Variants in THAP4 observed in about 807,000 individuals in gnomAD.
THAP4 encodes THAP domain containing 4.
Under a neutral mutation model 48.1 loss-of-function variants are expected in THAP4, and 18 were observed. The ratio of observed to expected loss-of-function variants is 0.37; its 90% confidence interval spans 0.26 to 0.56. The LOEUF (loss-of-function observed/expected upper bound fraction) is 0.56. Among genes scored for constraint, THAP4 ranks in the 20% least tolerant of loss-of-function variants. The pLI is 0.78. For missense variants in THAP4, 656 were observed against 774.9 expected, an observed-to-expected ratio of 0.85 and a Z score of 1.82; for synonymous variants, 345 against 324.9, an observed-to-expected ratio of 1.06 and a Z score of -0.66.
At chr2:241,590,111 T>C (rs1036732210) in intron 5 of THAP4, among the ~76,000 whole-genome samples, 5 of 149,506 alleles carry the variant, frequency 3.3e-5, no homozygotes, top group African/African-American at 9.9e-5. Context: ...CGGCTGACGA[T>C]GATGGGCACT....
At chr2:241,599,228 G>A (rs2067084615) in intron 5 of THAP4, among the ~76,000 whole-genome samples, 2 of 150,224 alleles carry the variant, frequency 1.3e-5, no homozygotes, top group South Asian at 4.2e-4. Context: ...TTCCAGCCTG[G>A]GCAACAGATT....
rs887568364 is a variant in THAP4 at position 241,637,092 on chromosome 2, G to GGGA, written c.-78_-76dup. 1.9e-6 allele frequency: 2 copies of GGGA among 1,028,912 alleles called. No individual in the cohort carries two copies. The highest frequency in any genetic ancestry group is 1.7e-5 in the African/African-American group (1 of 57,362). The allele number at this position is 1,028,912 out of a possible 1,614,324, so 63.7% of individuals were successfully genotyped here. A position where few individuals can be genotyped will look rare whatever the true frequency, so the allele number is the denominator to read the frequency against. On this transcript the variant is annotated 5_prime_UTR_variant, in exon 1 of 6. Transcript: ENST00000407315. ...CCCGCCCGCGGACCGCCCCGAGGGA[G>GGGA]GGAGCGCGGCGGCGACACGGCTCGG... is the stretch of plus-strand genomic sequence containing the variant.
chr2:241,624,877 C>A (rs1452217507), intron 2 of THAP4, among the ~76,000 whole-genome samples: 1 of 152,134 alleles, frequency 6.6e-6, no homozygotes, highest in Non-Finnish European at 1.5e-5. Flanking sequence ...CAAAGACCGA[C>A]TATGAGAACG....
intron 1 of THAP4, among the ~76,000 whole-genome samples, chr2:241,636,732 G>A (rs975622441): frequency 2.6e-5 from 4 of 151,594 alleles, no homozygotes; most frequent in Admixed American, 2.6e-4. Context: ...GGACCCAGGC[G>A]GCCGGGGTGG....
chr2:241,608,887 A>G (rs1287850987), intron 2 of THAP4, among the ~76,000 whole-genome samples: 1 of 152,246 alleles, frequency 6.6e-6, no homozygotes, highest in Non-Finnish European at 1.5e-5. Context: ...GGGTCCCTGC[A>G]GCTACCCTGG....
At position 241,633,580 on chromosome 2, in the gene THAP4, A is replaced by G. The variant is rs745698355; in HGVS notation, c.577T>C (p.Ser193Pro). 3 of 1,613,474 alleles carry G rather than the reference A, an allele frequency of 1.9e-6. No homozygotes were observed. Among genetic ancestry groups the G allele is most frequent in the Middle Eastern group, 1.6e-4 (1 of 6,062 alleles). The stretch of plus-strand genomic sequence containing the variant: ...CTCTCATCGCCAGCATCTGTGGCAG[A>G]CGCTTCTGCTTTTCCCTGACTGCCT... Reference protein sequence around the residue: ...VAGSQGKAEASATDAGDESAT... With the variant: ...VAGSQGKAEAPATDAGDESAT... Residue 193 changes from serine to proline, a missense_variant, in exon 2 of 6, where the codon TCT becomes CCT. This residue lies in a region of THAP4 where 391 missense variants were observed against 412.4 expected (regional missense o/e 0.95). Transcript: ENST00000407315. The surrounding 1 kb of genome is among the most constrained non-coding windows in gnomAD (Gnocchi z 7.5).
In THAP4 at chr2:241,630,774, C is replaced by T. The variant is rs1345069452; in HGVS notation, c.1240+2143G>A. 2.1e-5 allele frequency among the ~76,000 whole-genome samples: 3 copies of T among 141,016 alleles called. No individual in the cohort carries two copies. The Admixed American group carries it at 2.2e-4, about 10-fold the overall frequency. The allele number at this position is 141,016 out of a possible 152,430, so 92.5% of individuals were successfully genotyped here. The stretch of plus-strand genomic sequence containing the variant: ...AGCCTGGGCAACAAGAGCAAAACTC[C>T]GTCTCAAAAAAAAAAAAAAAAAATT... On this transcript the variant is annotated intron_variant, in intron 2 of 5. Coordinates refer to ENST00000407315, the MANE Select transcript of THAP4 (RefSeq NM_015963.6).
chr2:241,595,412 C>T lies in THAP4; in HGVS notation c.1614+6484G>A, dbSNP rs188299294. Among the ~76,000 whole-genome samples, 663 of 152,094 alleles carry T rather than the reference C, an allele frequency of 4.4e-3. 3 individuals are homozygous for T. The highest frequency in any genetic ancestry group is 0.038 in the Middle Eastern group (11 of 292). On this transcript the variant is annotated intron_variant, in intron 5 of 5. Coordinates refer to ENST00000407315, the MANE Select transcript of THAP4 (RefSeq NM_015963.6). ...TGGCACATTGGGAGGCTGAGCTGGG[C>T]GGATCACCTAAGGTCAGGAGTTCAA...
At chr2:241,602,229 G>C in intron 4 of THAP4, 1 of 564,542 alleles carries the variant, frequency 1.8e-6, no homozygotes, top group South Asian at 2.3e-5. Context: ...TCTCCAGACT[G>C]GGCCCCAGCC....
chr2:241,630,099 A>G (rs1041005258), intron 2 of THAP4, among the ~76,000 whole-genome samples: 3 of 152,220 alleles, frequency 2.0e-5, no homozygotes, highest in East Asian at 1.9e-4. Flanking sequence ...ATCAAATTTT[A>G]AAGTAACTAC....
chr2:241,599,628 A>C (rs1316531599), intron 5 of THAP4, among the ~76,000 whole-genome samples: 1 of 152,170 alleles, frequency 6.6e-6, no homozygotes, highest in African/African-American at 2.4e-5. Context: ...AAATACACAA[A>C]ACATGACCTA....
chr2:241,603,140 G>A (rs917713905), intron 3 of THAP4, 61 bp from the exon 4 acceptor site: 25 of 1,374,012 alleles, frequency 1.8e-5, no homozygotes, highest in South Asian at 9.3e-5. Context: ...CGTGGGCTGC[G>A]TGGATGCCAG....
At chr2:241,622,689 T>G (rs1052573168) in intron 2 of THAP4, among the ~76,000 whole-genome samples, 1 of 152,084 alleles carries the variant, frequency 6.6e-6, no homozygotes, top group Non-Finnish European at 1.5e-5. Flanking sequence ...AGCTTCAACC[T>G]CCGGGGCTCA....
intron 5 of THAP4, among the ~76,000 whole-genome samples, chr2:241,600,063 G>A (rs1336489626): frequency 6.6e-6 from 1 of 152,158 alleles, no homozygotes; most frequent in Non-Finnish European, 1.5e-5. Flanking sequence ...GGGCATGGTG[G>A]CACATGCCTG....
At chr2:241,625,819 A>AAAAG (rs2067490146) in intron 2 of THAP4, among the ~76,000 whole-genome samples, 2 of 140,692 alleles carry the variant, frequency 1.4e-5, no homozygotes, top group African/African-American at 5.6e-5. Flanking sequence ...AAAAAAAAAA[A>AAAAG]AAAAAGAAAA....
chr2:241,599,483 C>A (rs1319244010), intron 5 of THAP4, among the ~76,000 whole-genome samples: 1 of 152,062 alleles, frequency 6.6e-6, no homozygotes, highest in Non-Finnish European at 1.5e-5. Flanking sequence ...TATCAATAAT[C>A]AATCTGAAGA....
At chr2:241,636,895 C>T in intron 1 of THAP4, 46 bp downstream of exon 1, 10 of 1,111,618 alleles carry the variant, frequency 9.0e-6, no homozygotes, top group Non-Finnish European at 1.1e-5. Flanking sequence ...AGTTTCCCCG[C>T]AGGGCCGGGT....
At chr2:241,634,838 TCAAC>T (rs2067615801) in intron 1 of THAP4, among the ~76,000 whole-genome samples, 1 of 152,082 alleles carries the variant, frequency 6.6e-6, no homozygotes, top group African/African-American at 2.4e-5. Context: ...TCAAAAAAAA[TCAAC>T]CAACTCAGAT....
At chr2:241,636,467 C>G (rs569239093) in intron 1 of THAP4, among the ~76,000 whole-genome samples, 1 of 152,196 alleles carries the variant, frequency 6.6e-6, no homozygotes, top group African/African-American at 2.4e-5. Flanking sequence ...CCGGCCGTCC[C>G]GTAGACTCTC....
Sources: allele counts gnomAD v4.1 joint callset (sites outside exome capture counted in the v4.1 genomes callset), GRCh38; gene constraint gnomAD v4.1.1; regional missense constraint gnomAD v4.1.1; non-coding constraint Gnocchi (gnomAD v3.1); transcripts MANE v1.5; gene names NCBI Gene and HGNC (gene_info 2026-07-23, HGNC 2026-07-21).